COL4A5: variants seen among roughly 807,000 people sequenced by gnomAD.
COL4A5 encodes the protein collagen alpha-5(IV) chain.
COL4A5 carries 26 observed loss-of-function variants against 130.2 expected under a neutral mutation model. That is an observed-to-expected ratio of 0.20 (90% CI 0.15 to 0.28). COL4A5 has a LOEUF of 0.28. COL4A5 is among the 10% of genes least tolerant of loss of function. The probability of loss-of-function intolerance (pLI) is 1.00; values close to 1 mark genes in which losing one functional copy is unlikely to be tolerated. For synonymous variants in COL4A5, 496 were observed against 439.6 expected, an observed-to-expected ratio of 1.13 and a Z score of -1.60; for missense variants, 1,131 against 1,344.3, an observed-to-expected ratio of 0.84 and a Z score of 2.48.
chrX:108,650,326 G>T (rs1467429276), intron 36 of COL4A5, among the ~76,000 whole-genome samples: 5 of 111,384 alleles, frequency 4.5e-5, no homozygotes, highest in African/African-American at 1.6e-4. Flanking sequence ...CTGCTGGTGG[G>T]AATGTAAACT....
At position 108,632,613 on chromosome X, in the gene COL4A5, G is replaced by A. The variant is rs1478088553; in HGVS notation, c.3246+6264G>A. On this transcript the variant is annotated intron_variant, in intron 36 of 52. Transcript: ENST00000328300. ...TACTGGCAAACTGAATCCAGCAGCA[G>A]ATCAAAAAGCTTATCCACCAAGATC... Among the ~76,000 whole-genome samples the A allele has an allele frequency of 3.6e-5, 4 of 111,148 alleles. No individual in the cohort carries two copies. In the East Asian group the frequency reaches 1.1e-3, roughly 32 times the overall value.
chrX:108,481,178 C>T (rs772522278), intron 1 of COL4A5, among the ~76,000 whole-genome samples: 1 of 111,496 alleles, frequency 9.0e-6, no homozygotes, highest in South Asian at 3.8e-4. Flanking sequence ...TGGAGGACCA[C>T]AATGACATTT....
intron 1 of COL4A5, among the ~76,000 whole-genome samples, chrX:108,490,710 T>A (rs1487727292): frequency 9.0e-6 from 1 of 111,236 alleles, no homozygotes; most frequent in East Asian, 2.8e-4. Context: ...GGTAAACACG[T>A]GTCATGGGGG....
At chrX:108,661,608 G>A (rs1402517665) in intron 37 of COL4A5, among the ~76,000 whole-genome samples, 1 of 111,322 alleles carries the variant, frequency 9.0e-6, no homozygotes, top group Non-Finnish European at 1.9e-5. Context: ...TCTTGAATAA[G>A]CACCACATAT....
chrX:108,460,656 A>AG (rs2064637242), intron 1 of COL4A5, among the ~76,000 whole-genome samples: 1 of 39,446 alleles, frequency 2.5e-5, no homozygotes, highest in Non-Finnish European at 4.5e-5. Flanking sequence ...CGCCTGGCAA[A>AG]TTTTTTTTTT....
At chrX:108,450,034 CAGG>C (rs747516211) in intron 1 of COL4A5, among the ~76,000 whole-genome samples, 3 of 111,637 alleles carry the variant, frequency 2.7e-5, no homozygotes, top group East Asian at 5.6e-4. Context: ...GTCATACTCT[CAGG>C]GGGGAGAAAG....
intron 29 of COL4A5, among the ~76,000 whole-genome samples, chrX:108,612,032 AAAG>A (rs755501094): frequency 6.9e-4 from 77 of 111,733 alleles, no homozygotes; most frequent in African/African-American, 2.4e-3. Context: ...TCAACAGAGT[AAAG>A]AAGAAAAACT....
At chrX:108,685,214 A>G (rs2068521530) in intron 47 of COL4A5, among the ~76,000 whole-genome samples, 1 of 112,029 alleles carries the variant, frequency 8.9e-6, no homozygotes, top group Admixed American at 9.5e-5. Flanking sequence ...GCCCTCTCTC[A>G]CCACTCCTAT....
chrX:108,545,026 G>T (rs929237318), intron 2 of COL4A5, among the ~76,000 whole-genome samples: 1 of 111,518 alleles, frequency 9.0e-6, no homozygotes, highest in African/African-American at 3.3e-5. Flanking sequence ...CTTGCTAGCA[G>T]TCTATCAGTT....
intron 2 of COL4A5, among the ~76,000 whole-genome samples, chrX:108,540,560 C>T (rs1250171628): frequency 1.8e-5 from 2 of 111,377 alleles, no homozygotes; most frequent in South Asian, 3.8e-4. Context: ...AAGCAGTTCT[C>T]GTGCCTCAGC....
intron 36 of COL4A5, among the ~76,000 whole-genome samples, chrX:108,633,006 A>T (rs967012691): frequency 1.8e-5 from 2 of 111,631 alleles, no homozygotes; most frequent in Admixed American, 1.9e-4. Context: ...AAAGAAATAA[A>T]GGGTATTCAG....
intron 9 of COL4A5, among the ~76,000 whole-genome samples, chrX:108,574,688 T>G (rs1026176853): frequency 8.9e-6 from 1 of 112,662 alleles, no homozygotes; most frequent in Non-Finnish European, 1.9e-5. Context: ...TTCATCCATA[T>G]TATTGGATAT....
chrX:108,477,501 C>T (rs758513951), intron 1 of COL4A5, among the ~76,000 whole-genome samples: 3 of 111,457 alleles, frequency 2.7e-5, no homozygotes, highest in South Asian at 7.6e-4. Flanking sequence ...TGTACATGCA[C>T]AAACATGTTT....
rs1429140985 is a variant in COL4A5 at position 108,677,547 on chromosome X, A to G, written c.3856A>G (p.Ile1286Val). Residue 1286 changes from isoleucine (I) to valine (V), a missense_variant, in exon 44 of 53, where the codon ATT (isoleucine) becomes GTT (valine). Physicochemically the swap from Ile to Val is conservative, Grantham distance 29 (BLOSUM62 3). Transcript: ENST00000328300. Reference sequence around the variant, plus strand: ...TCCAGGTCTCCCTGGAAATGGAGGTATTAAAGGAGAGAAGGGAAATCCAGG... The same window carrying G: ...TCCAGGTCTCCCTGGAAATGGAGGTGTTAAAGGAGAGAAGGGAAATCCAGG... ...GPPGLPGNGG[I>V]KGEKGNPGQP... The G allele has an allele frequency of 8.3e-7, 1 of 1,209,333 alleles. No individual in the cohort carries two copies. The highest frequency in any genetic ancestry group is 1.1e-6 in the Non-Finnish European group (1 of 893,340).
intron 42 of COL4A5, among the ~76,000 whole-genome samples, chrX:108,673,926 C>G (rs1238238499): frequency 9.2e-6 from 1 of 108,261 alleles, no homozygotes; most frequent in Non-Finnish European, 1.9e-5. Context: ...CCTGTAATCA[C>G]AGCTGCTCGG....
chrX:108,542,007 G>C (rs2065549532), intron 2 of COL4A5, among the ~76,000 whole-genome samples: 1 of 112,032 alleles, frequency 8.9e-6, no homozygotes, highest in South Asian at 3.7e-4. Flanking sequence ...GTTGGAATTT[G>C]TAGACTATGA....
At chrX:108,470,348 T>C (rs2064753833) in intron 1 of COL4A5, among the ~76,000 whole-genome samples, 2 of 112,325 alleles carry the variant, frequency 1.8e-5, no homozygotes, top group Non-Finnish European at 3.8e-5. Context: ...TTCTGACTGG[T>C]CTAAGATGGT....
chrX:108,509,189 C>A (rs188252777), intron 1 of COL4A5, among the ~76,000 whole-genome samples: 32 of 112,073 alleles, frequency 2.9e-4, no homozygotes, highest in Admixed American at 4.7e-4. Context: ...GTCTAATATC[C>A]AGCATCTATG....
intron 2 of COL4A5, among the ~76,000 whole-genome samples, chrX:108,543,756 C>T (rs1166542347): frequency 3.6e-5 from 4 of 112,243 alleles, no homozygotes; most frequent in Middle Eastern, 4.6e-3. Context: ...AATGTTCTTG[C>T]ATTTGTTTGT....
Sources: allele counts gnomAD v4.1 joint callset (sites outside exome capture counted in the v4.1 genomes callset), GRCh38; gene constraint gnomAD v4.1.1; transcripts MANE v1.5; gene names NCBI Gene and HGNC (gene_info 2026-07-23, HGNC 2026-07-21).